GREM2: variants seen among roughly 807,000 people sequenced by gnomAD.
GREM2 encodes gremlin 2, DAN family BMP antagonist, also known as gremlin-2.
GREM2 carries 11 observed loss-of-function variants against 14.2 expected under a neutral mutation model. That is an observed-to-expected ratio of 0.78 (90% CI 0.49 to 1.28). The LOEUF (loss-of-function observed/expected upper bound fraction) is 1.28. Ranked by LOEUF, GREM2 falls within the 50% of genes most tolerant of loss-of-function variation. GREM2 has a pLI of 0.00. For synonymous variants in GREM2, 98 were observed against 97.6 expected (o/e 1.00, Z -0.02); for missense variants, 210 against 218.5 (o/e 0.96, Z 0.24).
In GREM2 at chr1:240,543,977, A is replaced by G. The variant is rs186153589; in HGVS notation, c.-1-50501T>C. Among the ~76,000 whole-genome samples, 5 of 152,328 alleles carry G rather than the reference A, an allele frequency of 3.3e-5. No individual in the cohort carries two copies. In the East Asian group the frequency reaches 9.6e-4, roughly 29 times the overall value. ...CAACCAACCTCAGATCAAAAATATT[A>G]AGGAAAATTCCACAGTTATAAAAAT... On this transcript the variant is annotated intron_variant, in intron 1 of 1. Coordinates refer to ENST00000318160, the MANE Select transcript of GREM2 (RefSeq NM_022469.4). This position sits in a 1 kb window ranked among gnomAD's most constrained non-coding sequence, Gnocchi z 6.4.
chr1:240,585,729 C>CAAAAAAAAAAAAAAAAAAAAAAAAAAAAA (rs370321961), intron 1 of GREM2, among the ~76,000 whole-genome samples: 1 of 67,832 alleles, frequency 1.5e-5, no homozygotes, highest in Non-Finnish European at 3.4e-5. Flanking sequence ...GACTCCATCT[C>CAAAAAAAAAAAAAAAAAAAAAAAAAAAAA]AAAAAAAAAA....
At chr1:240,551,321 T>C (rs1678844687) in intron 1 of GREM2, among the ~76,000 whole-genome samples, 1 of 149,034 alleles carries the variant, frequency 6.7e-6, no homozygotes, top group Non-Finnish European at 1.5e-5. Context: ...ATTTTCAGTA[T>C]AATAGGTTTA....
intron 1 of GREM2, among the ~76,000 whole-genome samples, chr1:240,537,144 A>C (rs899093204): frequency 6.6e-6 from 1 of 152,218 alleles, no homozygotes; most frequent in Non-Finnish European, 1.5e-5. Context: ...TTTACCTTTA[A>C]AAATTTTAAA....
intron 1 of GREM2, among the ~76,000 whole-genome samples, chr1:240,569,917 T>TA (rs1288207894): frequency 7.8e-5 from 8 of 102,702 alleles, no homozygotes; most frequent in African/African-American, 4.5e-4. Context: ...TATACTTCAC[T>TA]AAAATTTTTT....
chr1:240,495,472 A>C (rs1677390786), intron 1 of GREM2, among the ~76,000 whole-genome samples: 1 of 152,254 alleles, frequency 6.6e-6, no homozygotes, highest in Non-Finnish European at 1.5e-5. Flanking sequence ...TACGTCTTAA[A>C]TATATCCATG....
At chr1:240,509,360 ATTTTT>A (rs564246660) in intron 1 of GREM2, among the ~76,000 whole-genome samples, 34,147 of 111,758 alleles carry the variant, frequency 0.31, 5,049 homozygotes, top group African/African-American at 0.48. Flanking sequence ...AGCTCATTTG[ATTTTT>A]TTTTTTTTTT....
intron 1 of GREM2, among the ~76,000 whole-genome samples, chr1:240,552,938 C>A (rs1678883102): frequency 7.2e-6 from 1 of 138,042 alleles, no homozygotes; most frequent in South Asian, 2.5e-4. Flanking sequence ...CTCTTAATCT[C>A]ATTTTAAGCC....
At chr1:240,551,637 CTT>C (rs74486901) in intron 1 of GREM2, among the ~76,000 whole-genome samples, 5 of 146,888 alleles carry the variant, frequency 3.4e-5, no homozygotes, top group Admixed American at 6.8e-5. Context: ...GTCTAGTTTA[CTT>C]TTTTTTTTTT....
intron 1 of GREM2, among the ~76,000 whole-genome samples, chr1:240,575,886 T>G (rs898018973): frequency 1.4e-5 from 2 of 145,934 alleles, no homozygotes; most frequent in African/African-American, 2.7e-5. Flanking sequence ...AGCTTTGGTG[T>G]TGTGTGCTCT....
chr1:240,550,171 G>A (rs1395746034), intron 1 of GREM2, among the ~76,000 whole-genome samples: 1 of 151,968 alleles, frequency 6.6e-6, no homozygotes, highest in African/African-American at 2.4e-5. Context: ...TACAAGCATG[G>A]GCCACCATGC....
intron 1 of GREM2, among the ~76,000 whole-genome samples, chr1:240,545,422 TAAGTA>T (rs1300291915): frequency 1.8e-5 from 2 of 111,896 alleles, no homozygotes; most frequent in Non-Finnish European, 3.6e-5. Context: ...CAGTTAAACG[TAAGTA>T]AAGTGTTTCC....
intron 1 of GREM2, among the ~76,000 whole-genome samples, chr1:240,511,709 T>C (rs1677835181): frequency 6.6e-6 from 1 of 152,110 alleles, no homozygotes; most frequent in Non-Finnish European, 1.5e-5. Flanking sequence ...GCCGAGATTG[T>C]GACACTGCAC....
At chr1:240,512,442 C>G (rs568012150) in intron 1 of GREM2, among the ~76,000 whole-genome samples, 1 of 36,526 alleles carries the variant, frequency 2.7e-5, no homozygotes. Flanking sequence ...AAAATTCCAC[C>G]TATTTTCCTA....
chr1:240,545,881 T>G (rs1408591633), intron 1 of GREM2, among the ~76,000 whole-genome samples: 2 of 152,192 alleles, frequency 1.3e-5, no homozygotes, highest in Non-Finnish European at 2.9e-5. Context: ...CTGCTTTGCA[T>G]AAAATGAAAC....
intron 1 of GREM2, among the ~76,000 whole-genome samples, chr1:240,539,698 A>T (rs1442364980): frequency 1.3e-5 from 2 of 152,234 alleles, no homozygotes; most frequent in Non-Finnish European, 2.9e-5. Context: ...AAGGAGGAAA[A>T]GGGCAATTGA....
intron 1 of GREM2, among the ~76,000 whole-genome samples, chr1:240,537,760 G>A (rs998675957): frequency 7.9e-5 from 12 of 151,086 alleles, no homozygotes; most frequent in African/African-American, 2.9e-4. Context: ...ACTCCAGCCT[G>A]GCAATATGGC....
chr1:240,511,410 T>C (rs140072275), intron 1 of GREM2, among the ~76,000 whole-genome samples: 1 of 152,326 alleles, frequency 6.6e-6, no homozygotes, highest in East Asian at 1.9e-4. Context: ...CGAGAGAATA[T>C]CCATAGGCCA....
chr1:240,605,383 G>T (rs1259105000), intron 1 of GREM2, among the ~76,000 whole-genome samples: 1 of 152,048 alleles, frequency 6.6e-6, no homozygotes, highest in Non-Finnish European at 1.5e-5. Context: ...AGGCTGAGGT[G>T]GGGGGATCAC....
chr1:240,512,545 A>T (rs1677857713), intron 1 of GREM2, among the ~76,000 whole-genome samples: 1 of 34,060 alleles, frequency 2.9e-5, no homozygotes, highest in African/African-American at 4.2e-4. Context: ...TAAGCAGAGG[A>T]CTTTATTGAA....
Sources: gnomAD v4.1 joint callset for allele counts (sites outside exome capture counted in the v4.1 genomes callset) on GRCh38, gnomAD v4.1.1 for gene constraint, Gnocchi (gnomAD v3.1) non-coding constraint, MANE v1.5 for transcripts, NCBI Gene and HGNC (gene_info 2026-07-23, HGNC 2026-07-21) for gene names.